The following LHFPL3 variants were observed in gnomAD, a reference collection of about 807,000 sequenced individuals.
The protein encoded by LHFPL3 is LHFPL tetraspan subfamily member 3.
Under a neutral mutation model 19.3 loss-of-function variants are expected in LHFPL3, and 5 were observed. The observed-to-expected ratio is 0.26, with a 90% CI of 0.14 to 0.54. The LOEUF is 0.54. LHFPL3 is among the 20% of genes least tolerant of loss of function. LHFPL3 has a pLI of 0.94. For missense variants in LHFPL3, 249 were observed against 307.4 expected (o/e 0.81, Z 1.42); for synonymous variants, 133 against 126.2 (o/e 1.05, Z -0.36).
At chr7:104,632,307 C>T (rs1459317302) in intron 1 of LHFPL3, among the ~76,000 whole-genome samples, 1 of 152,140 alleles carries the variant, frequency 6.6e-6, no homozygotes, top group African/African-American at 2.4e-5. Flanking sequence ...AATTCCAACA[C>T]ATAATTAAGT....
chr7:104,369,423 A>G (rs745528681), intron 1 of LHFPL3, among the ~76,000 whole-genome samples: 1 of 152,216 alleles, frequency 6.6e-6, no homozygotes, highest in East Asian at 1.9e-4. Context: ...TCATTACTGA[A>G]TAGAATTTTT....
At chr7:104,731,912 T>A (rs1267438124) in intron 1 of LHFPL3, among the ~76,000 whole-genome samples, 1 of 152,184 alleles carries the variant, frequency 6.6e-6, no homozygotes, top group Non-Finnish European at 1.5e-5. Flanking sequence ...ATACCTAATT[T>A]ATTGAGAGTT....
chr7:104,864,474 G>A lies in LHFPL3; in HGVS notation c.683-41713G>A, dbSNP rs537885486. Among the ~76,000 whole-genome samples the A allele has an allele frequency of 5.9e-5, 9 of 152,294 alleles. No homozygotes were observed. The East Asian group carries it at 7.7e-4, about 13-fold the overall frequency. The stretch of plus-strand genomic sequence containing the variant: ...ATGGCACACCAGGAGATTATATCCC[G>A]CACCTGGCTTGGAGAGTCCTACGCC... On this transcript the variant is annotated intron_variant, in intron 2 of 2. Transcript: ENST00000424859.
chr7:104,732,611 CTCTTT>C, intron 1 of LHFPL3, among the ~76,000 whole-genome samples: 1 of 152,166 alleles, frequency 6.6e-6, no homozygotes, highest in East Asian at 1.9e-4. Flanking sequence ...TGATTCTTCT[CTCTTT>C]TCTTCTTTAT....
At chr7:104,391,311 G>GT (rs1791063236) in intron 1 of LHFPL3, among the ~76,000 whole-genome samples, 1 of 152,116 alleles carries the variant, frequency 6.6e-6, no homozygotes, top group African/African-American at 2.4e-5. Flanking sequence ...GGTTTTTATG[G>GT]TTTTAGGTCT....
intron 1 of LHFPL3, among the ~76,000 whole-genome samples, chr7:104,620,574 C>T (rs1030544328): frequency 1.3e-5 from 2 of 152,124 alleles, no homozygotes; most frequent in African/African-American, 4.8e-5. Context: ...CAGCCTTTTT[C>T]GTTGCCTTAT....
At chr7:104,607,716 C>A (rs1216059859) in intron 1 of LHFPL3, among the ~76,000 whole-genome samples, 2 of 151,998 alleles carry the variant, frequency 1.3e-5, no homozygotes, top group African/African-American at 2.4e-5. Context: ...AGGCAACCTA[C>A]AAAATGGGAG....
At chr7:104,474,681 CAACAACAAAAAA>C (rs1792974565) in intron 1 of LHFPL3, among the ~76,000 whole-genome samples, 1 of 59,176 alleles carries the variant, frequency 1.7e-5, no homozygotes, top group African/African-American at 6.9e-5. Flanking sequence ...ACAACAACAA[CAACAACAAAAAA>C]AAAAAAAAAA....
chr7:104,546,789 T>C (rs529763192), intron 1 of LHFPL3, among the ~76,000 whole-genome samples: 5 of 152,312 alleles, frequency 3.3e-5, no homozygotes, highest in African/African-American at 1.2e-4. Flanking sequence ...AGACCTGGGT[T>C]CAAATGGCTT....
chr7:104,499,669 A>C (rs1793560399), intron 1 of LHFPL3, among the ~76,000 whole-genome samples: 1 of 152,236 alleles, frequency 6.6e-6, no homozygotes, highest in African/African-American at 2.4e-5. Context: ...GTGACGAGTA[A>C]TAAGATGAAT....
rs147558100 is a variant in LHFPL3, at chr7:104,842,058, C to A, written c.683-64129C>A. On this transcript the variant is annotated intron_variant, in intron 2 of 2. Transcript: ENST00000424859. ...TCTCTCTATGCTCCCTACCTTCCCC[C>A]ACCATGAATATTTCATCTGTCCTAG... Among the ~76,000 whole-genome samples, 246 of 152,132 alleles carry A rather than the reference C, an allele frequency of 1.6e-3. 2 individuals are homozygous for A. Among genetic ancestry groups the A allele is most frequent in the African/African-American group, 5.7e-3 (236 of 41,492 alleles).
intron 2 of LHFPL3, among the ~76,000 whole-genome samples, chr7:104,829,296 G>A (rs1264008074): frequency 6.6e-6 from 1 of 151,772 alleles, no homozygotes; most frequent in African/African-American, 2.4e-5. Context: ...ACCCACTCTT[G>A]CAGTGGAGAG....
chr7:104,435,731 T>A (rs1584318594), intron 1 of LHFPL3, among the ~76,000 whole-genome samples: 1 of 152,130 alleles, frequency 6.6e-6, no homozygotes, highest in South Asian at 2.1e-4. Context: ...TCAAGAAAAT[T>A]TATTCCCTAT....
At chr7:104,693,370 G>A (rs115122696) in intron 1 of LHFPL3, among the ~76,000 whole-genome samples, 1,593 of 152,242 alleles carry the variant, frequency 0.01, 41 homozygotes, top group African/African-American at 0.036. Flanking sequence ...GGCAGATTTG[G>A]GAGGGGCCAG....
intron 1 of LHFPL3, among the ~76,000 whole-genome samples, chr7:104,608,136 C>G (rs570584211): frequency 1.3e-5 from 2 of 152,148 alleles, no homozygotes; most frequent in African/African-American, 4.8e-5. Context: ...CCCAGCCATC[C>G]CATTACTGGG....
At chr7:104,785,571 C>T (rs932664308) in intron 2 of LHFPL3, among the ~76,000 whole-genome samples, 27 of 152,186 alleles carry the variant, frequency 1.8e-4, no homozygotes, top group Admixed American at 1.3e-4. Flanking sequence ...AATAAAAAGG[C>T]TTCTCCTCTT....
intron 1 of LHFPL3, among the ~76,000 whole-genome samples, chr7:104,729,809 A>G (rs960535180): frequency 2.0e-5 from 3 of 152,082 alleles, no homozygotes; most frequent in African/African-American, 7.2e-5. Context: ...GATTTGTTAC[A>G]TATGTATACA....
chr7:104,624,151 C>T (rs1160646176), intron 1 of LHFPL3, among the ~76,000 whole-genome samples: 1 of 152,140 alleles, frequency 6.6e-6, no homozygotes, highest in Non-Finnish European at 1.5e-5. Flanking sequence ...GAAGTAGTGA[C>T]CTCTCAACTG....
intron 1 of LHFPL3, among the ~76,000 whole-genome samples, chr7:104,614,653 C>CTTCTCTCCTTCCT (rs1554415305): frequency 3.7e-4 from 19 of 51,516 alleles, no homozygotes; most frequent in East Asian, 6.9e-4. Context: ...CTTCTCTTCT[C>CTTCTCTCCTTCCT]TCCTTCCTTC....
Sources: allele counts gnomAD v4.1 joint callset (sites outside exome capture counted in the v4.1 genomes callset), GRCh38; gene constraint gnomAD v4.1.1; transcripts MANE v1.5; gene names NCBI Gene and HGNC (gene_info 2026-07-23, HGNC 2026-07-21).